PIK3C3: variants seen among roughly 807,000 people sequenced by gnomAD.
PIK3C3 encodes PI3-kinase type 3.
In PIK3C3, 95 loss-of-function variants were observed where a neutral mutation model predicts 126.1. That is an observed-to-expected ratio of 0.75 (90% CI 0.64 to 0.89). The LOEUF is 0.89. Among genes scored for constraint, PIK3C3 ranks in the 40% least tolerant of loss-of-function variants. The pLI is 0.00. For missense variants in PIK3C3, 829 were observed against 1,063.2 expected, an observed-to-expected ratio of 0.78 and a Z score of 3.06; for synonymous variants, 374 against 360.0, an observed-to-expected ratio of 1.04 and a Z score of -0.44.
chr18:42,061,592 G>A (rs1238583234), intron 22 of PIK3C3, among the ~76,000 whole-genome samples: 1 of 150,596 alleles, frequency 6.6e-6, no homozygotes, highest in Non-Finnish European at 1.5e-5. Context: ...AAAAAAAAAA[G>A]TGGCCTTTAA....
chr18:42,004,512 G>A lies in PIK3C3; in HGVS notation c.1141G>A (p.Val381Ile). 6.3e-7 allele frequency: 1 copy of A among 1,597,402 alleles called. No homozygotes were observed. The highest frequency in any genetic ancestry group is 8.5e-7 in the Non-Finnish European group (1 of 1,175,586). Reference protein sequence around the residue: ...YTNPTVRRYAVARLRQADDED... With the variant: ...YTNPTVRRYAIARLRQADDED... ...CAACCCAACTGTGAGGCGTTATGCT[G>A]TTGCCCGGTTGCGACAGGCCGATGA... The change falls in exon 10 of 25, where the codon GTT becomes ATT. Residue 381 changes from valine to isoleucine, a missense_variant. Val to Ile is a conservative substitution (Grantham distance 29, BLOSUM62 3). Coordinates refer to ENST00000262039, the MANE Select transcript of PIK3C3 (RefSeq NM_002647.4).
At chr18:42,067,000 A>G (rs620052) in intron 23 of PIK3C3, among the ~76,000 whole-genome samples, 77,024 of 151,814 alleles carry the variant, frequency 0.51, 21,188 homozygotes, top group East Asian at 0.73. Flanking sequence ...GAATAACAGG[A>G]ATAAAGTGGA....
chr18:42,085,214 TACATTGCA>T lies in PIK3C3; in HGVS notation c.*4078_*4085del. On this transcript the variant is annotated 3_prime_UTR_variant, in exon 25 of 25. Transcript: ENST00000262039. ...CATTTTGTTCAGTGCTATGGGCTGG[TACATTGCA>T]TTTCAACACTAGTTTTTTACTTTTA... 1 of 152,204 alleles carries T rather than the reference TACATTGCA, an allele frequency of 6.6e-6. No homozygotes were observed. Among genetic ancestry groups the T allele is most frequent in the South Asian group, 2.1e-4 (1 of 4,836 alleles). The allele number at this position is 152,204 out of a possible 1,614,324, so 9.4% of individuals were successfully genotyped here. A position where few individuals can be genotyped will look rare whatever the true frequency, so the allele number is the denominator to read the frequency against.
intron 12 of PIK3C3, among the ~76,000 whole-genome samples, chr18:42,017,972 T>C (rs1003706659): frequency 4.1e-5 from 6 of 145,856 alleles, no homozygotes; most frequent in African/African-American, 1.5e-4. Context: ...TATTTAGTAC[T>C]TTCTATACTT....
chr18:42,006,713 A>G (rs912597009), intron 10 of PIK3C3, among the ~76,000 whole-genome samples: 8 of 152,062 alleles, frequency 5.3e-5, no homozygotes, highest in African/African-American at 1.9e-4. Context: ...AAATAACAGC[A>G]TGATATTTTA....
At chr18:42,038,101 A>G (rs1274356725) in intron 17 of PIK3C3, among the ~76,000 whole-genome samples, 1 of 152,094 alleles carries the variant, frequency 6.6e-6, no homozygotes, top group Non-Finnish European at 1.5e-5. Context: ...CTCTTAGTCT[A>G]TTAAATTTTT....
chr18:41,979,961 G>A (rs1322132321), intron 4 of PIK3C3, among the ~76,000 whole-genome samples: 1 of 151,684 alleles, frequency 6.6e-6, no homozygotes, highest in Non-Finnish European at 1.5e-5. Context: ...ATTACAGCAA[G>A]CTGATTAAGT....
At chr18:42,028,601 C>T (rs1171530332) in intron 14 of PIK3C3, among the ~76,000 whole-genome samples, 1 of 152,198 alleles carries the variant, frequency 6.6e-6, no homozygotes, top group East Asian at 1.9e-4. Context: ...CAAAGCTTCT[C>T]AACATCAAAC....
chr18:41,960,307 T>C (rs1980012292), intron 2 of PIK3C3, among the ~76,000 whole-genome samples: 1 of 152,252 alleles, frequency 6.6e-6, no homozygotes, highest in South Asian at 2.1e-4. Context: ...TTTTTTCTTA[T>C]GTGAATATTA....
At chr18:42,000,698 A>G (rs575789258) in intron 9 of PIK3C3, among the ~76,000 whole-genome samples, 19 of 152,292 alleles carry the variant, frequency 1.2e-4, no homozygotes, top group Middle Eastern at 3.4e-3. Context: ...CACAATCATG[A>G]TGGAAGGCAA....
At chr18:42,055,503 A>G (rs1985023705) in intron 21 of PIK3C3, among the ~76,000 whole-genome samples, 1 of 152,118 alleles carries the variant, frequency 6.6e-6, no homozygotes, top group South Asian at 2.1e-4. Flanking sequence ...TTCTAGGTTT[A>G]GTGATAGGGC....
At chr18:41,976,786 A>G (rs192429782) in intron 4 of PIK3C3, among the ~76,000 whole-genome samples, 40 of 152,336 alleles carry the variant, frequency 2.6e-4, no homozygotes, top group African/African-American at 9.1e-4. Flanking sequence ...TTTGAGTCTG[A>G]CAAGTGTAGG....
chr18:41,996,883 T>C (rs1982051989), intron 9 of PIK3C3, among the ~76,000 whole-genome samples, 153 bp downstream of exon 9: 1 of 152,148 alleles, frequency 6.6e-6, no homozygotes, highest in Non-Finnish European at 1.5e-5. Context: ...AAAAAAATTA[T>C]GAAATTCTGC....
chr18:41,959,568 CA>C (rs1979973056), intron 2 of PIK3C3, among the ~76,000 whole-genome samples: 1 of 152,036 alleles, frequency 6.6e-6, no homozygotes, highest in South Asian at 2.1e-4. Flanking sequence ...AAATACTGTA[CA>C]GGTGGATCAC....
intron 4 of PIK3C3, among the ~76,000 whole-genome samples, chr18:41,978,112 C>T (rs1981022921): frequency 6.6e-6 from 1 of 152,072 alleles, no homozygotes; most frequent in Non-Finnish European, 1.5e-5. Flanking sequence ...TTGTGCACCA[C>T]CATGTTTGAA....
At chr18:42,066,799 T>C (rs548906306) in intron 23 of PIK3C3, among the ~76,000 whole-genome samples, 78 of 152,250 alleles carry the variant, frequency 5.1e-4, no homozygotes, top group Admixed American at 1.0e-3. Context: ...AAAAAAATTA[T>C]TTTATCTTTG....
intron 13 of PIK3C3, chr18:42,026,765 G>T (rs1983588489): frequency 6.6e-6 from 1 of 152,044 alleles, no homozygotes; most frequent in African/African-American, 2.4e-5. Flanking sequence ...GTTCCCAGTG[G>T]AACATTTAGA....
intron 17 of PIK3C3, 77 bp downstream of exon 17, chr18:42,037,897 G>A: frequency 7.7e-7 from 1 of 1,302,858 alleles, no homozygotes; most frequent in Non-Finnish European, 1.1e-6. Context: ...TGCTGTTTAT[G>A]GAACAGAAGT....
chr18:42,027,310 A>T (rs1389871573), intron 13 of PIK3C3, 133 bp from the exon 14 acceptor site: 1 of 422,720 alleles, frequency 2.4e-6, no homozygotes, highest in Non-Finnish European at 4.2e-6. Context: ...TGATGATAAA[A>T]TGTGTTTTAT....
Sources: gnomAD v4.1 joint callset for allele counts (sites outside exome capture counted in the v4.1 genomes callset) on GRCh38, gnomAD v4.1.1 for gene constraint, MANE v1.5 for transcripts, NCBI Gene and HGNC (gene_info 2026-07-23, HGNC 2026-07-21) for gene names.